GNPDA2: variants seen among roughly 807,000 people sequenced by gnomAD.
The protein encoded by GNPDA2 is glucosamine-6-phosphate deaminase 2, also known as glcN6P deaminase 2.
GNPDA2 carries 24 observed loss-of-function variants against 27.0 expected under a neutral mutation model. The ratio of observed to expected loss-of-function variants is 0.89; its 90% CI spans 0.64 to 1.25. The LOEUF (loss-of-function observed/expected upper bound fraction) is 1.25. Among genes scored for constraint, GNPDA2 ranks in the 50% most tolerant of loss-of-function variants. The pLI, the probability that GNPDA2 is intolerant of heterozygous loss-of-function variation, is 0.00. For synonymous variants in GNPDA2, 94 were observed against 108.4 expected (o/e 0.87, Z 0.83); for missense variants, 286 against 335.1 (o/e 0.85, Z 1.14).
intron 4 of GNPDA2, among the ~76,000 whole-genome samples, chr4:44,715,257 A>G (rs950882225): frequency 2.0e-5 from 3 of 152,190 alleles, no homozygotes; most frequent in African/African-American, 7.2e-5. Context: ...AGGCAGGCAA[A>G]GGAATAAAAT....
At chr4:44,710,165 C>G (rs769941136) in intron 5 of GNPDA2, among the ~76,000 whole-genome samples, 1 of 151,912 alleles carries the variant, frequency 6.6e-6, no homozygotes, top group East Asian at 1.9e-4. Flanking sequence ...ATTCATATAC[C>G]TATGATTTCT....
At chr4:44,705,488 T>C in intron 6 of GNPDA2, 1 of 985,108 alleles carries the variant, frequency 1.0e-6, no homozygotes. Context: ...CTCTCACGAA[T>C]GGTCTGTTTC....
At chr4:44,705,993 C>G (rs896589142) in intron 6 of GNPDA2, 1 of 151,468 alleles carries the variant, frequency 6.6e-6, no homozygotes, top group African/African-American at 2.4e-5. Context: ...TGATAAAAAC[C>G]TAATTGTGAC....
At chr4:44,703,479 AG>A in intron 6 of GNPDA2, 1 of 1,028,334 alleles carries the variant, frequency 9.7e-7, no homozygotes, top group African/African-American at 1.7e-5. Context: ...TATATCTAAA[AG>A]TCTATGTTGA....
Position 44,702,391 on chromosome 4 carries a change from C to A in GNPDA2, c.*690G>T. ...TATAAAGCTCATAATTGTCAAGATACTTATATTAGGGACATGAACCCAAGT... is the reference window on the plus strand; with the variant it reads ...TATAAAGCTCATAATTGTCAAGATAATTATATTAGGGACATGAACCCAAGT... On this transcript the variant is annotated 3_prime_UTR_variant, in exon 7 of 7. Transcript: ENST00000295448. The A allele has an allele frequency of 1.0e-6, 1 of 962,252 alleles. No individual in the cohort carries two copies. Among genetic ancestry groups the A allele is most frequent in the Non-Finnish European group, 1.2e-6 (1 of 808,724 alleles). 59.6% of individuals were successfully genotyped at this position (962,252 alleles called of 1,614,324 possible). A position where few individuals can be genotyped will look rare whatever the true frequency, so the allele number is the denominator to read the frequency against.
Position 44,707,834 on chromosome 4 carries a change from G to A in GNPDA2, c.687C>T (p.Phe229=). Residue 229 remains phenylalanine (F), a synonymous_variant, in exon 6 of 7, where the codon TTC becomes TTT. Coordinates refer to ENST00000295448, the MANE Select transcript of GNPDA2 (RefSeq NM_138335.3). ...CAAAAATAGTCCGGGGATGCTGCTG[G>A]AAAGCGGAAACAGTCCACATGTGAT... ...GVNHMWTVSA[F]QQHPRTIFVC... 2 of 1,613,376 alleles carry A rather than the reference G, an allele frequency of 1.2e-6. No individual in the cohort carries two copies. The highest frequency in any genetic ancestry group is 1.7e-6 in the Non-Finnish European group (2 of 1,179,528).
rs1432432177 is a variant in GNPDA2, at chr4:44,702,410, C to A, written c.*671G>T. On this transcript the variant is annotated 3_prime_UTR_variant, in exon 7 of 7. Coordinates refer to ENST00000295448, the MANE Select transcript of GNPDA2 (RefSeq NM_138335.3). The stretch of plus-strand genomic sequence containing the variant: ...AAGATACTTATATTAGGGACATGAA[C>A]CCAAGTCGTTAAATAAAAATAAGAT... 3 of 974,106 alleles carry A rather than the reference C, an allele frequency of 3.1e-6. No individual in the cohort carries two copies. The highest frequency in any genetic ancestry group is 1.8e-5 in the African/African-American group (1 of 56,810). 60.3% of individuals were successfully genotyped at this position (974,106 alleles called of 1,614,324 possible). A position where few individuals can be genotyped will look rare whatever the true frequency, so the allele number is the denominator to read the frequency against.
chr4:44,709,014 G>A (rs773774342), intron 5 of GNPDA2, among the ~76,000 whole-genome samples: 1 of 152,096 alleles, frequency 6.6e-6, no homozygotes, highest in Admixed American at 6.6e-5. Flanking sequence ...TATTCTTAGC[G>A]ATTAACAATT....
chr4:44,715,656 A>C (rs1241887468), intron 4 of GNPDA2, among the ~76,000 whole-genome samples: 1 of 152,054 alleles, frequency 6.6e-6, no homozygotes, highest in African/African-American at 2.4e-5. Context: ...CTCAAAATTG[A>C]GTCATACGTA....
At chr4:44,708,045 C>T in intron 5 of GNPDA2, 119 bp from the exon 6 acceptor site, 1 of 604,054 alleles carries the variant, frequency 1.7e-6, no homozygotes, top group East Asian at 2.8e-5. Context: ...AAATACATAG[C>T]TCCACATAAT....
chr4:44,719,613 GC>G (rs1717542071), intron 2 of GNPDA2, among the ~76,000 whole-genome samples: 14 of 152,076 alleles, frequency 9.2e-5, no homozygotes, highest in Admixed American at 4.6e-4. Flanking sequence ...GGATAAATAT[GC>G]TTTCCCTCTT....
chr4:44,713,810 G>A (rs1717117223), intron 4 of GNPDA2, among the ~76,000 whole-genome samples: 1 of 152,042 alleles, frequency 6.6e-6, no homozygotes, highest in Admixed American at 6.6e-5. Flanking sequence ...AACCTGGGAG[G>A]TGGAGGTTGC....
intron 6 of GNPDA2, chr4:44,706,688 T>TTTTAA (rs1716628142): frequency 6.6e-6 from 1 of 151,890 alleles, no homozygotes; most frequent in African/African-American, 2.4e-5. Context: ...AGCTATGATC[T>TTTTAA]GACACCAGTT....
intron 1 of GNPDA2, among the ~76,000 whole-genome samples, chr4:44,725,773 CAG>C: frequency 6.7e-6 from 1 of 148,738 alleles, no homozygotes; most frequent in Non-Finnish European, 1.5e-5. Context: ...CATCACAAGA[CAG>C]CATCAAAAAA....
chr4:44,722,541 G>C (rs1166362459), intron 1 of GNPDA2, among the ~76,000 whole-genome samples: 1 of 152,052 alleles, frequency 6.6e-6, no homozygotes, highest in Non-Finnish European at 1.5e-5. Flanking sequence ...AAAATATTTA[G>C]GGGAAAAAGA....
chr4:44,712,379 T>G (rs1350538882), intron 4 of GNPDA2, among the ~76,000 whole-genome samples: 1 of 152,058 alleles, frequency 6.6e-6, no homozygotes, highest in African/African-American at 2.4e-5. Flanking sequence ...AGTAACCCAG[T>G]TTTGAAAAAT....
intron 2 of GNPDA2, among the ~76,000 whole-genome samples, chr4:44,718,851 C>T (rs1458442193): frequency 2.0e-5 from 3 of 151,908 alleles, no homozygotes. Flanking sequence ...CCCCTACTTT[C>T]AAAATAGAAT....
intron 1 of GNPDA2, 56 bp from the exon 2 acceptor site, chr4:44,722,298 G>C: frequency 7.5e-7 from 1 of 1,325,118 alleles, no homozygotes; most frequent in Non-Finnish European, 1.0e-6. Context: ...TTTAAATTCA[G>C]TAACTTTTTA....
At chr4:44,711,277 C>T in intron 4 of GNPDA2, 140 bp from the exon 5 acceptor site, 1 of 500,190 alleles carries the variant, frequency 2.0e-6, no homozygotes, top group Non-Finnish European at 3.3e-6. Flanking sequence ...ATATTTGTTT[C>T]TGTATTGATT....
Sources: gnomAD v4.1 joint callset for allele counts (sites outside exome capture counted in the v4.1 genomes callset) on GRCh38, gnomAD v4.1.1 for gene constraint, MANE v1.5 for transcripts, NCBI Gene and HGNC (gene_info 2026-07-23, HGNC 2026-07-21) for gene names.